Variants in CADPS observed in about 807,000 individuals in gnomAD.
CADPS encodes the protein calcium-dependent secretion activator 1.
CADPS carries 57 observed loss-of-function variants against 167.3 expected under a neutral mutation model. The ratio of observed to expected loss-of-function variants is 0.34; its 90% CI spans 0.28 to 0.42. The LOEUF (loss-of-function observed/expected upper bound fraction) is 0.42. Ranked by LOEUF, CADPS falls within the 20% of genes least tolerant of loss-of-function variation. CADPS has a pLI of 1.00. For synonymous variants in CADPS, 676 were observed against 635.3 expected, an observed-to-expected ratio of 1.06 and a Z score of -0.96; for missense variants, 1,414 against 1,738.1, an observed-to-expected ratio of 0.81 and a Z score of 3.32.
intron 3 of CADPS, among the ~76,000 whole-genome samples, chr3:62,687,617 T>C (rs17066811): frequency 0.06 from 9,169 of 151,982 alleles, 332 homozygotes; most frequent in South Asian, 0.094. Flanking sequence ...TCAGGGGTGA[T>C]TATCATGAGT....
chr3:62,619,846 T>C lies in CADPS; in HGVS notation c.1325+25876A>G, dbSNP rs184867953. On this transcript the variant is annotated intron_variant, in intron 6 of 29. Coordinates refer to ENST00000383710, the MANE Select transcript of CADPS (RefSeq NM_003716.4). ...TCAATGTACTGTGTTTTCTTTCCTT[T>C]CCCCTAGTGACTGCTCTTTGAGGTG... is the stretch of plus-strand genomic sequence containing the variant. Among the ~76,000 whole-genome samples the C allele has an allele frequency of 3.0e-3, 464 of 152,280 alleles. 3 individuals are homozygous for C. Among genetic ancestry groups the C allele is most frequent in the African/African-American group, 0.011 (446 of 41,558 alleles).
At chr3:62,804,441 G>C (rs1321563253) in intron 1 of CADPS, among the ~76,000 whole-genome samples, 1 of 152,004 alleles carries the variant, frequency 6.6e-6, no homozygotes, top group African/African-American at 2.4e-5. Context: ...GAGTGACTGA[G>C]AGAGAGAGGA....
At chr3:62,473,434 C>G (rs2060868128) in intron 24 of CADPS, among the ~76,000 whole-genome samples, 1 of 152,098 alleles carries the variant, frequency 6.6e-6, no homozygotes, top group South Asian at 2.1e-4. Flanking sequence ...CAATTTATGC[C>G]AATTGGCAAC....
chr3:62,779,549 T>A, intron 1 of CADPS: 1 of 534,138 alleles, frequency 1.9e-6, no homozygotes, highest in South Asian at 1.4e-5. Context: ...TTGTATTGTC[T>A]GCCCTCTGCC....
chr3:62,706,575 G>A (rs1181209047), intron 3 of CADPS, among the ~76,000 whole-genome samples: 1 of 152,102 alleles, frequency 6.6e-6, no homozygotes, highest in East Asian at 1.9e-4. Flanking sequence ...TGGCAGGGTT[G>A]CCTCTGAGGC....
chr3:62,479,512 TA>T (rs2061710203), intron 22 of CADPS, among the ~76,000 whole-genome samples: 1 of 152,238 alleles, frequency 6.6e-6, no homozygotes, highest in Non-Finnish European at 1.5e-5. Context: ...TGCATTGAAT[TA>T]ATGCTTCAGA....
At chr3:62,701,059 T>A (rs1416044455) in intron 3 of CADPS, among the ~76,000 whole-genome samples, 1 of 152,052 alleles carries the variant, frequency 6.6e-6, no homozygotes, top group Non-Finnish European at 1.5e-5. Context: ...CCAATCCCAT[T>A]CATGAGGGCT....
At chr3:62,437,340 CTTTTTTT>C (rs11295364) in intron 28 of CADPS, among the ~76,000 whole-genome samples, 12 of 128,204 alleles carry the variant, frequency 9.4e-5, no homozygotes, top group Non-Finnish European at 1.5e-4. Context: ...AAGCAGGTTC[CTTTTTTT>C]TTTTTTTTTT....
chr3:62,472,984 GACCAC>G (rs546226732), intron 24 of CADPS, among the ~76,000 whole-genome samples: 203 of 152,288 alleles, frequency 1.3e-3, no homozygotes, highest in African/African-American at 4.6e-3. Flanking sequence ...CCAATTCTTA[GACCAC>G]ACCGCAGACC....
At chr3:62,575,535 A>C (rs1229262555) in intron 8 of CADPS, among the ~76,000 whole-genome samples, 1 of 152,230 alleles carries the variant, frequency 6.6e-6, no homozygotes, top group Non-Finnish European at 1.5e-5. Context: ...AGCTTAAAGT[A>C]AATACTTGCT....
chr3:62,570,543 G>T (rs1018385857), intron 9 of CADPS, among the ~76,000 whole-genome samples: 2 of 152,166 alleles, frequency 1.3e-5, no homozygotes, highest in South Asian at 4.1e-4. Context: ...TCCATCCCTG[G>T]CAGGAGACTG....
At position 62,458,011 on chromosome 3, in the gene CADPS, C is replaced by T. The variant is rs1183871822; in HGVS notation, c.3636+7356G>A. The stretch of plus-strand genomic sequence containing the variant: ...CGGGTTGATGGGTGCAGCAAACCAC[C>T]ATGGCACATGTATACCTATGTAACA... On this transcript the variant is annotated intron_variant, in intron 26 of 29. Transcript: ENST00000383710. The surrounding 1 kb of genome is among the most constrained non-coding windows in gnomAD (Gnocchi z 4.6). Among the ~76,000 whole-genome samples, 2 of 152,102 alleles carry T rather than the reference C, an allele frequency of 1.3e-5. No individual in the cohort carries two copies. Among genetic ancestry groups the T allele is most frequent in the African/African-American group, 4.8e-5 (2 of 41,406 alleles).
chr3:62,818,331 T>C (rs2094725008), intron 1 of CADPS, among the ~76,000 whole-genome samples: 1 of 152,170 alleles, frequency 6.6e-6, no homozygotes. Flanking sequence ...ACAGCGTTCC[T>C]ACAACTCAAT....
At chr3:62,702,442 T>A (rs781149102) in intron 3 of CADPS, among the ~76,000 whole-genome samples, 1 of 152,060 alleles carries the variant, frequency 6.6e-6, no homozygotes, top group Non-Finnish European at 1.5e-5. Flanking sequence ...CCTGGGAGAC[T>A]CTGCAGGGTG....
chr3:62,651,036 C>T lies in CADPS; in HGVS notation c.1014G>A (p.Met338Ile), dbSNP rs746801653. 6.2e-7 allele frequency: 1 copy of T among 1,614,058 alleles called. No individual in the cohort carries two copies. Among genetic ancestry groups the T allele is most frequent in the Non-Finnish European group, 8.5e-7 (1 of 1,179,956 alleles). Residue 338 changes from methionine to isoleucine, a missense_variant, in exon 5 of 30, where the codon ATG becomes ATA. Physicochemically the swap from Met to Ile is conservative, Grantham distance 10. Around this residue, in one of 6 missense-constraint regions of CADPS, gnomAD observed 522 missense variants for 559.5 expected, o/e 0.93. Transcript: ENST00000383710. ...CAGATGACTTCAGCTCCTCAATGTA[C>T]ATGTTTTCCATTTCTTTGGATACAA... Reference protein sequence around the residue: ...PKFVSKEMENMYIEELKSSVN... With the variant: ...PKFVSKEMENIYIEELKSSVN...
intron 4 of CADPS, among the ~76,000 whole-genome samples, chr3:62,656,310 G>A (rs1029848719): frequency 6.6e-6 from 1 of 152,072 alleles, no homozygotes; most frequent in Admixed American, 6.5e-5. Flanking sequence ...ACTATGTGCT[G>A]GACACTAGGT....
chr3:62,569,346 C>A (rs2080870946), intron 9 of CADPS, among the ~76,000 whole-genome samples: 1 of 152,216 alleles, frequency 6.6e-6, no homozygotes, highest in Non-Finnish European at 1.5e-5. Context: ...AGGTGATCCA[C>A]CCGTCTCGGC....
intron 24 of CADPS, chr3:62,473,788 A>T: frequency 6.3e-6 from 1 of 158,002 alleles, no homozygotes; most frequent in South Asian, 2.1e-4. Context: ...TGATGCAAGA[A>T]AGGCCTCTCT....
intron 13 of CADPS, among the ~76,000 whole-genome samples, chr3:62,530,104 A>C (rs1433651369): frequency 2.0e-5 from 3 of 152,212 alleles, no homozygotes; most frequent in Non-Finnish European, 4.4e-5. Context: ...TATATAAGTG[A>C]TTCTACTAAG....
Sources: allele counts gnomAD v4.1 joint callset (sites outside exome capture counted in the v4.1 genomes callset), GRCh38; gene constraint gnomAD v4.1.1; regional missense constraint gnomAD v4.1.1; non-coding constraint Gnocchi (gnomAD v3.1); transcripts MANE v1.5; gene names NCBI Gene and HGNC (gene_info 2026-07-23, HGNC 2026-07-21).